MARCHF1: variants seen among roughly 807,000 people sequenced by gnomAD.
MARCHF1 encodes membrane associated ring-CH-type finger 1, also known as E3 ubiquitin-protein ligase MARCHF1.
A neutral mutation model predicts 54.2 loss-of-function variants in MARCHF1; 40 were observed. That is an observed-to-expected ratio of 0.74 (90% CI 0.57 to 0.96). MARCHF1 has a LOEUF of 0.96. Among genes scored for constraint, MARCHF1 ranks in the 40% least tolerant of loss-of-function variants. The pLI, the probability that MARCHF1 is intolerant of heterozygous loss-of-function variation, is 0.00. For missense variants in MARCHF1, 586 were observed against 656.5 expected (o/e 0.89, Z 1.17); for synonymous variants, 236 against 236.3 (o/e 1.00, Z 0.01).
intron 1 of MARCHF1, among the ~76,000 whole-genome samples, chr4:164,171,866 T>C (rs1397612922): frequency 6.6e-6 from 1 of 152,166 alleles, no homozygotes. Context: ...ATACAGGAAA[T>C]CCAATATTTC....
intron 1 of MARCHF1, among the ~76,000 whole-genome samples, chr4:164,167,153 G>C (rs1376019706): frequency 3.3e-5 from 5 of 151,556 alleles, no homozygotes; most frequent in Non-Finnish European, 7.4e-5. Flanking sequence ...ACAATGCCAG[G>C]CACTTAATAA....
intron 5 of MARCHF1, among the ~76,000 whole-genome samples, chr4:163,662,498 T>A (rs949321515): frequency 6.6e-6 from 1 of 152,094 alleles, no homozygotes; most frequent in Non-Finnish European, 1.5e-5. Flanking sequence ...ATATTTGTAA[T>A]ATCCAAGCAC....
chr4:163,802,409 G>A lies in MARCHF1; in HGVS notation c.111+51612C>T, dbSNP rs541563471. ...AATAAAAGTCAAACACATTTCAAAAGCCTGTAATTTACTTCATATTTTATG... is the reference window on the plus strand; with the variant it reads ...AATAAAAGTCAAACACATTTCAAAAACCTGTAATTTACTTCATATTTTATG... On this transcript the variant is annotated intron_variant, in intron 4 of 9. Coordinates refer to ENST00000514618, the MANE Select transcript of MARCHF1 (RefSeq NM_001394959.1). 1.1e-4 allele frequency among the ~76,000 whole-genome samples: 17 copies of A among 152,190 alleles called. No homozygotes were observed. In the East Asian group the frequency reaches 3.1e-3, roughly 28 times the overall value.
chr4:164,333,120 A>G (rs1222492689), intron 1 of MARCHF1, among the ~76,000 whole-genome samples: 2 of 152,158 alleles, frequency 1.3e-5, no homozygotes, highest in Non-Finnish European at 2.9e-5. Context: ...TGAGTTGGTC[A>G]TTGTCAAAGC....
At chr4:164,154,444 A>G (rs1257456679) in intron 1 of MARCHF1, among the ~76,000 whole-genome samples, 1 of 152,240 alleles carries the variant, frequency 6.6e-6, no homozygotes, top group Admixed American at 6.5e-5. Flanking sequence ...TTCATGACCC[A>G]AACTCTGAGC....
At chr4:163,529,733 A>T (rs902123799) in intron 9 of MARCHF1, 1 of 152,116 alleles carries the variant, frequency 6.6e-6, no homozygotes, top group East Asian at 1.9e-4. Flanking sequence ...CATTACTAGA[A>T]ATAGGCTTTC....
intron 4 of MARCHF1, among the ~76,000 whole-genome samples, chr4:163,716,915 TATTA>T (rs1745276793): frequency 6.6e-6 from 1 of 152,204 alleles, no homozygotes; most frequent in Non-Finnish European, 1.5e-5. Flanking sequence ...TAATAATACA[TATTA>T]ATTTTTTATT....
At position 163,750,717 on chromosome 4, in the gene MARCHF1, G is replaced by A. The variant is rs1425044865; in HGVS notation, c.112-49854C>T. Among the ~76,000 whole-genome samples the A allele has an allele frequency of 4.6e-5, 7 of 151,958 alleles. No individual in the cohort carries two copies. The East Asian group carries it at 1.4e-3, about 29-fold the overall frequency. On this transcript the variant is annotated intron_variant, in intron 4 of 9. Transcript: ENST00000514618. ...AGTTAGCATAACCTTGATACCCACA[G>A]TAGAATATTTAGGGGAGAAAAATGA...
chr4:163,619,678 A>T (rs1741618681), intron 5 of MARCHF1, among the ~76,000 whole-genome samples: 1 of 152,052 alleles, frequency 6.6e-6, no homozygotes, highest in Non-Finnish European at 1.5e-5. Context: ...GTAGGTTATT[A>T]AAAAAATGGC....
chr4:163,758,199 G>A (rs904420893), intron 4 of MARCHF1, among the ~76,000 whole-genome samples: 4 of 152,116 alleles, frequency 2.6e-5, no homozygotes, highest in Admixed American at 2.6e-4. Flanking sequence ...AGGGATGAGG[G>A]AGTCTGGAAG....
At chr4:163,529,103 A>ATT (rs3839198) in intron 9 of MARCHF1, 57 bp from the exon 10 acceptor site, 13,941 of 1,200,930 alleles carry the variant, frequency 0.012, 99 homozygotes, top group African/African-American at 0.063. Context: ...GGATTTGGTC[A>ATT]TTTTTTTTTT....
intron 4 of MARCHF1, among the ~76,000 whole-genome samples, chr4:163,794,376 T>C (rs1747853682): frequency 6.6e-6 from 1 of 152,216 alleles, no homozygotes; most frequent in Admixed American, 6.5e-5. Flanking sequence ...TTTTCAACTG[T>C]GCCTTTTCAT....
intron 2 of MARCHF1, among the ~76,000 whole-genome samples, chr4:164,070,519 A>G (rs1461972886): frequency 1.3e-5 from 2 of 152,174 alleles, no homozygotes; most frequent in African/African-American, 4.8e-5. Context: ...GAGTGACTAC[A>G]TATTCTGATT....
At chr4:163,705,329 C>T (rs1744918731) in intron 4 of MARCHF1, among the ~76,000 whole-genome samples, 2 of 150,154 alleles carry the variant, frequency 1.3e-5, no homozygotes, top group African/African-American at 4.9e-5. Flanking sequence ...CCTACCCCAC[C>T]AAAAAAAACC....
At chr4:164,280,599 A>G (rs1734003342) in intron 1 of MARCHF1, among the ~76,000 whole-genome samples, 1 of 152,116 alleles carries the variant, frequency 6.6e-6, no homozygotes, top group African/African-American at 2.4e-5. Context: ...TATTGAAACC[A>G]AATTTATTCC....
intron 1 of MARCHF1, among the ~76,000 whole-genome samples, chr4:164,159,312 A>G (rs1424608738): frequency 6.6e-6 from 1 of 152,180 alleles, no homozygotes; most frequent in African/African-American, 2.4e-5. Context: ...CCTAATATTT[A>G]TTTAATCTCT....
At chr4:163,564,388 A>C (rs1739575799) in intron 8 of MARCHF1, among the ~76,000 whole-genome samples, 1 of 152,220 alleles carries the variant, frequency 6.6e-6, no homozygotes, top group Non-Finnish European at 1.5e-5. Flanking sequence ...TTATTGAAAT[A>C]AGAATAGCAG....
intron 3 of MARCHF1, among the ~76,000 whole-genome samples, chr4:163,949,031 T>C (rs899203385): frequency 3.3e-5 from 5 of 152,214 alleles, no homozygotes; most frequent in African/African-American, 1.2e-4. Context: ...AATGGCACCT[T>C]TGCCCGTGTT....
intron 4 of MARCHF1, among the ~76,000 whole-genome samples, chr4:163,765,171 T>C: frequency 6.6e-6 from 1 of 152,074 alleles, no homozygotes; most frequent in East Asian, 1.9e-4. Flanking sequence ...GTAGGCTTGG[T>C]TTATTGTTTC....
Sources: gnomAD v4.1 joint callset for allele counts (sites outside exome capture counted in the v4.1 genomes callset) on GRCh38, gnomAD v4.1.1 for gene constraint, MANE v1.5 for transcripts, NCBI Gene and HGNC (gene_info 2026-07-23, HGNC 2026-07-21) for gene names.